The following CNTN6 variants were observed in gnomAD, a reference collection of about 807,000 sequenced individuals.
The protein encoded by CNTN6 is contactin 6, also known as contactin-6.
In CNTN6, 137 loss-of-function variants were observed where a neutral mutation model predicts 122.8. The ratio of observed to expected loss-of-function variants is 1.12; its 90% CI spans 0.97 to 1.29. CNTN6 has a LOEUF of 1.29. CNTN6 is among the 50% of genes most tolerant of loss of function. CNTN6 has a pLI of 0.00. For synonymous variants in CNTN6, 570 were observed against 426.0 expected, an observed-to-expected ratio of 1.34 and a Z score of -4.16; for missense variants, 1,634 against 1,223.4, an observed-to-expected ratio of 1.34 and a Z score of -5.01.
chr3:1,218,190 G>T (rs966855897), intron 2 of CNTN6, among the ~76,000 whole-genome samples: 3 of 152,082 alleles, frequency 2.0e-5, no homozygotes, highest in African/African-American at 7.2e-5. Context: ...CCTGTGGTGG[G>T]GTGGCCTGGC....
intron 4 of CNTN6, among the ~76,000 whole-genome samples, chr3:1,258,398 A>G (rs1357668476): frequency 6.6e-6 from 1 of 152,146 alleles, no homozygotes. Flanking sequence ...GTCAAAGCTT[A>G]GCAATAAAAT....
At chr3:1,349,191 C>T (rs955443693) in intron 11 of CNTN6, among the ~76,000 whole-genome samples, 3 of 151,852 alleles carry the variant, frequency 2.0e-5, no homozygotes, top group African/African-American at 7.2e-5. Context: ...TTTTATGACT[C>T]ATTATATATT....
chr3:1,261,467 A>G lies in CNTN6; in HGVS notation c.359-16946A>G, dbSNP rs149346492. On this transcript the variant is annotated intron_variant, in intron 4 of 22. Coordinates refer to ENST00000446702, the MANE Select transcript of CNTN6 (RefSeq NM_001289080.2). ...ATAGGCCAAGGAAACTGGGACATTT[A>G]CTCATTACCTTCTGTACCTCATTGG... Among the ~76,000 whole-genome samples, 1,021 of 152,222 alleles carry G rather than the reference A, an allele frequency of 6.7e-3. 7 individuals are homozygous for G. The highest frequency in any genetic ancestry group is 0.012 in the Non-Finnish European group (804 of 68,010).
chr3:1,241,824 GC>G (rs1278412274), intron 4 of CNTN6, among the ~76,000 whole-genome samples: 1 of 152,222 alleles, frequency 6.6e-6, no homozygotes. Context: ...GTCAACTTGG[GC>G]CTGGAGGACT....
At chr3:1,352,974 C>A (rs938585143) in intron 12 of CNTN6, among the ~76,000 whole-genome samples, 3 of 151,676 alleles carry the variant, frequency 2.0e-5, no homozygotes, top group African/African-American at 7.3e-5. Flanking sequence ...ATTATATTTT[C>A]ATCACAGTAA....
At chr3:1,302,047 C>G (rs1258520694) in intron 7 of CNTN6, among the ~76,000 whole-genome samples, 1 of 152,104 alleles carries the variant, frequency 6.6e-6, no homozygotes, top group Non-Finnish European at 1.5e-5. Flanking sequence ...AGGCGACACA[C>G]TCACTAGAAG....
intron 4 of CNTN6, among the ~76,000 whole-genome samples, chr3:1,233,797 T>A: frequency 6.6e-6 from 1 of 151,594 alleles, no homozygotes; most frequent in Middle Eastern, 3.4e-3. Flanking sequence ...TTAAATATGT[T>A]AGTCTGACAT....
intron 2 of CNTN6, among the ~76,000 whole-genome samples, chr3:1,178,674 G>A (rs1180325519): frequency 2.5e-4 from 38 of 152,196 alleles, no homozygotes. Context: ...AAAGAGTGGA[G>A]ACTAAATAGT....
At chr3:1,189,067 C>CA (rs995917271) in intron 2 of CNTN6, among the ~76,000 whole-genome samples, 99 of 151,508 alleles carry the variant, frequency 6.5e-4, no homozygotes, top group African/African-American at 1.5e-3. Context: ...CAAAACAAAA[C>CA]AAAAAAAACA....
chr3:1,367,158 T>G (rs1301150529), intron 12 of CNTN6, among the ~76,000 whole-genome samples: 1 of 152,162 alleles, frequency 6.6e-6, no homozygotes, highest in African/African-American at 2.4e-5. Context: ...CCTATCATTT[T>G]TTTGTGATGA....
chr3:1,246,203 G>T (rs1242131698), intron 4 of CNTN6, among the ~76,000 whole-genome samples: 1 of 152,064 alleles, frequency 6.6e-6, no homozygotes, highest in Non-Finnish European at 1.5e-5. Flanking sequence ...TTCTAGTTAT[G>T]ACATCCTCCT....
At chr3:1,301,359 C>T (rs1003256770) in intron 7 of CNTN6, among the ~76,000 whole-genome samples, 1 of 151,984 alleles carries the variant, frequency 6.6e-6, no homozygotes, top group Non-Finnish European at 1.5e-5. Flanking sequence ...AAAAATTAAA[C>T]TAGCAATATT....
At chr3:1,383,576 G>A (rs2126183093) in intron 19 of CNTN6, among the ~76,000 whole-genome samples, 168 bp downstream of exon 19, 1 of 152,278 alleles carries the variant, frequency 6.6e-6, no homozygotes, top group South Asian at 2.1e-4. Flanking sequence ...CCCACATTGA[G>A]AGGCTTAGCC....
At chr3:1,104,130 G>A (rs913207777) in intron 1 of CNTN6, among the ~76,000 whole-genome samples, 6 of 152,106 alleles carry the variant, frequency 3.9e-5, no homozygotes, top group Middle Eastern at 3.4e-3. Flanking sequence ...CATCTGATGC[G>A]TATTCTTGAA....
At chr3:1,375,554 A>G (rs1022441661) in intron 16 of CNTN6, among the ~76,000 whole-genome samples, 2 of 152,130 alleles carry the variant, frequency 1.3e-5, no homozygotes, top group Non-Finnish European at 2.9e-5. Flanking sequence ...AAATCAAAAT[A>G]TAATTCAAAA....
chr3:1,254,728 A>G (rs1224108404), intron 4 of CNTN6, among the ~76,000 whole-genome samples: 1 of 152,192 alleles, frequency 6.6e-6, no homozygotes, highest in African/African-American at 2.4e-5. Flanking sequence ...TTGGAGGCTC[A>G]AGAAAGCAGG....
intron 4 of CNTN6, among the ~76,000 whole-genome samples, chr3:1,243,105 C>T (rs1487854786): frequency 6.6e-6 from 1 of 151,144 alleles, no homozygotes; most frequent in Non-Finnish European, 1.5e-5. Flanking sequence ...GGGAAGGAGT[C>T]AGTCAGAGAG....
At chr3:1,276,008 C>A (rs985802860) in intron 4 of CNTN6, among the ~76,000 whole-genome samples, 1 of 152,130 alleles carries the variant, frequency 6.6e-6, no homozygotes. Context: ...TTGAATTCCT[C>A]TAAACAATAC....
intron 7 of CNTN6, among the ~76,000 whole-genome samples, chr3:1,302,177 G>A (rs1418425765): frequency 6.6e-6 from 1 of 152,082 alleles, no homozygotes; most frequent in Admixed American, 6.5e-5. Flanking sequence ...AAAGTCTATT[G>A]TTTATTATAA....
Sources: allele counts gnomAD v4.1 joint callset (sites outside exome capture counted in the v4.1 genomes callset), GRCh38; gene constraint gnomAD v4.1.1; transcripts MANE v1.5; gene names NCBI Gene and HGNC (gene_info 2026-07-23, HGNC 2026-07-21).